Variants in CDH23 observed in about 807,000 individuals in gnomAD.
CDH23 encodes the protein cadherin-23.
In CDH23, 189 loss-of-function variants were observed where a neutral mutation model predicts 317.1. The ratio of observed to expected loss-of-function variants is 0.60; its 90% CI spans 0.53 to 0.67. The LOEUF is 0.67. Among genes scored for constraint, CDH23 ranks in the 30% least tolerant of loss-of-function variants. The pLI is 0.00. For synonymous variants in CDH23, 1,839 were observed against 1,876.8 expected, an observed-to-expected ratio of 0.98 and a Z score of 0.52; for missense variants, 4,401 against 4,592.4, an observed-to-expected ratio of 0.96 and a Z score of 1.20.
chr10:71,439,021 T>C (rs951170462), intron 1 of CDH23, among the ~76,000 whole-genome samples: 1 of 152,118 alleles, frequency 6.6e-6, no homozygotes, highest in African/African-American at 2.4e-5. Flanking sequence ...CCTGATGGAA[T>C]GGGACCAGAG....
intron 14 of CDH23, among the ~76,000 whole-genome samples, chr10:71,665,454 T>C (rs183240579): frequency 1.3e-5 from 2 of 152,250 alleles, no homozygotes; most frequent in Non-Finnish European, 2.9e-5. Context: ...TAGATCAGAG[T>C]GTGCCCACTG....
chr10:71,568,203 T>A (rs1466109974), intron 7 of CDH23, among the ~76,000 whole-genome samples: 1 of 152,206 alleles, frequency 6.6e-6, no homozygotes, highest in African/African-American at 2.4e-5. Flanking sequence ...AAGTGTTAGT[T>A]GCCTGGGAGG....
At chr10:71,732,992 G>T (rs1442855750) in intron 32 of CDH23, among the ~76,000 whole-genome samples, 1 of 152,172 alleles carries the variant, frequency 6.6e-6, no homozygotes, top group Non-Finnish European at 1.5e-5. Flanking sequence ...CCCACAGGTT[G>T]AGGGCTCAGT....
intron 2 of CDH23, among the ~76,000 whole-genome samples, chr10:71,440,301 G>A (rs950028888): frequency 2.6e-5 from 4 of 152,180 alleles, no homozygotes; most frequent in African/African-American, 9.7e-5. Flanking sequence ...CTGAGGGAAT[G>A]GAGGAAATAA....
Position 71,566,733 on chromosome 10 carries a change from C to A in CDH23, c.430-9C>A, listed in dbSNP as rs895181616. 1.4e-5 allele frequency: 22 copies of A among 1,582,880 alleles called. No individual in the cohort carries two copies. The highest frequency in any genetic ancestry group is 1.9e-5 in the Non-Finnish European group (22 of 1,159,868). ...CTCACCCTTGTACTTGCTTTGCTCT[C>A]ATCCCCAGAATACACCAGTGGGGAC... On this transcript the variant is annotated splice_polypyrimidine_tract_variant and intron_variant, in intron 6 of 69. Coordinates refer to ENST00000224721, the MANE Select transcript of CDH23 (RefSeq NM_022124.6).
At chr10:71,550,559 C>CAAAAAAAAAAAAAAAAAAAAAAA (rs1222399834) in intron 6 of CDH23, among the ~76,000 whole-genome samples, 1 of 45,756 alleles carries the variant, frequency 2.2e-5, no homozygotes, top group Admixed American at 2.3e-4. Flanking sequence ...GACCCTGTCT[C>CAAAAAAAAAAAAAAAAAAAAAAA]AAAAAAAAAA....
At chr10:71,729,281 A>T (rs1400247549) in intron 30 of CDH23, among the ~76,000 whole-genome samples, 1 of 152,238 alleles carries the variant, frequency 6.6e-6, no homozygotes, top group Non-Finnish European at 1.5e-5. Flanking sequence ...GGGCCTCAGA[A>T]GCAAACCCTG....
Position 71,741,711 on chromosome 10 carries a change from T to C in CDH23, c.4635T>C (p.Thr1545=), listed in dbSNP as rs1250632405. Residue 1545 remains threonine, a synonymous_variant, in exon 38 of 70, where the codon ACT becomes ACC. Transcript: ENST00000224721. ...CCTCCCAGAACGTGGGTGGAGGTAC[T>C]GCTGTGGTCCAGGTGAGAGCCACTG... is the stretch of plus-strand genomic sequence containing the variant. ...VSVNENVGGG[T]AVVQVRATDR... 6.2e-7 allele frequency: 1 copy of C among 1,610,092 alleles called. No individual in the cohort carries two copies. The highest frequency in any genetic ancestry group is 8.5e-7 in the Non-Finnish European group (1 of 1,178,286).
chr10:71,445,847 C>CAAAAAAAAA (rs34460284), intron 2 of CDH23, among the ~76,000 whole-genome samples: 1 of 92,038 alleles, frequency 1.1e-5, no homozygotes, highest in African/African-American at 4.3e-5. Flanking sequence ...GACTCTGTCT[C>CAAAAAAAAA]AAAAAAAAAA....
chr10:71,453,780 GC>G (rs533203662), intron 3 of CDH23, among the ~76,000 whole-genome samples: 1 of 152,382 alleles, frequency 6.6e-6, no homozygotes, highest in South Asian at 2.1e-4. Context: ...AGGGCTGGTG[GC>G]AAAGCCACAG....
At chr10:71,584,564 G>A (rs1858906681) in intron 9 of CDH23, among the ~76,000 whole-genome samples, 2 of 151,936 alleles carry the variant, frequency 1.3e-5, no homozygotes, top group South Asian at 2.1e-4. Context: ...GTGTGTGTGT[G>A]TGTGTGTGTG....
In CDH23 at chr10:71,807,139, C is replaced by T. The variant is rs7085713; in HGVS notation, c.8179-138C>T. ...ATGCTTTGCTCCCTTGAGGTTACAACGGTTCTACTCACCCCATAAGGCCTG... is the reference window on the plus strand; with the variant it reads ...ATGCTTTGCTCCCTTGAGGTTACAATGGTTCTACTCACCCCATAAGGCCTG... On this transcript the variant is annotated intron_variant, in intron 57 of 69. Transcript: ENST00000224721. 2.6e-3 allele frequency: 2,846 copies of T among 1,092,844 alleles called. 54 individuals carry two copies. In the African/African-American group the frequency reaches 0.041, roughly 16 times the overall value. 67.7% of individuals were successfully genotyped at this position (1,092,844 alleles called of 1,614,324 possible).
intron 38 of CDH23, among the ~76,000 whole-genome samples, chr10:71,754,037 C>T (rs80316862): frequency 0.012 from 1,766 of 152,340 alleles, 34 homozygotes; most frequent in African/African-American, 0.04. Context: ...AAACTGCCGT[C>T]CTCAAGGCTC....
intron 3 of CDH23, among the ~76,000 whole-genome samples, chr10:71,466,365 CTCA>C (rs1438167093): frequency 6.6e-6 from 1 of 151,992 alleles, no homozygotes; most frequent in African/African-American, 2.4e-5. Context: ...TGTGTGTGTG[CTCA>C]TGTGTGTCCC....
intron 9 of CDH23, among the ~76,000 whole-genome samples, chr10:71,605,242 C>T (rs1860461578): frequency 6.8e-6 from 1 of 147,760 alleles, no homozygotes; most frequent in African/African-American, 2.5e-5. Context: ...TTGTATTGAC[C>T]TTTTTTTTTT....
At chr10:71,461,018 T>C (rs1410132500) in intron 3 of CDH23, among the ~76,000 whole-genome samples, 1 of 152,154 alleles carries the variant, frequency 6.6e-6, no homozygotes, top group Non-Finnish European at 1.5e-5. Context: ...TAGTGCACTA[T>C]TGGGAAACAG....
intron 35 of CDH23, 129 bp downstream of exon 35, chr10:71,738,776 A>G: frequency 1.1e-5 from 13 of 1,189,026 alleles, no homozygotes; most frequent in South Asian, 8.8e-5. Flanking sequence ...TGCCCCTGCA[A>G]TCACCCAGTC....
At chr10:71,609,991 T>TGA (rs747061224) in intron 9 of CDH23, among the ~76,000 whole-genome samples, 170 of 133,572 alleles carry the variant, frequency 1.3e-3, no homozygotes, top group African/African-American at 4.8e-3. Flanking sequence ...TGTGTGTGTG[T>TGA]GTGTGAGAGA....
intron 11 of CDH23, among the ~76,000 whole-genome samples, chr10:71,625,092 GC>G (rs1486224230): frequency 1.3e-5 from 2 of 152,032 alleles, no homozygotes; most frequent in African/African-American, 4.8e-5. Flanking sequence ...AGAAGTGAGA[GC>G]CCCCCGTGAA....
Sources: allele counts gnomAD v4.1 joint callset (sites outside exome capture counted in the v4.1 genomes callset), GRCh38; gene constraint gnomAD v4.1.1; transcripts MANE v1.5; gene names NCBI Gene and HGNC (gene_info 2026-07-23, HGNC 2026-07-21).